The following ARHGEF4 variants were observed in gnomAD, a reference collection of about 807,000 sequenced individuals.
ARHGEF4 encodes Rho guanine nucleotide exchange factor 4, also known as APC-stimulated guanine nucleotide exchange factor 1.
Under a neutral mutation model 162.0 loss-of-function variants are expected in ARHGEF4, and 119 were observed. The ratio of observed to expected loss-of-function variants is 0.73; its 90% CI spans 0.63 to 0.86. The LOEUF is 0.86. ARHGEF4 is among the 40% of genes least tolerant of loss of function. The pLI is 0.00. For missense variants in ARHGEF4, 2,488 were observed against 2,456.0 expected, an observed-to-expected ratio of 1.01 and a Z score of -0.28; for synonymous variants, 1,014 against 979.9, an observed-to-expected ratio of 1.03 and a Z score of -0.65.
At chr2:130,972,717 GT>G (rs144405154) in intron 4 of ARHGEF4, among the ~76,000 whole-genome samples, 6,363 of 152,286 alleles carry the variant, frequency 0.042, 147 homozygotes, top group Middle Eastern at 0.071. Flanking sequence ...ACTTAAAGTG[GT>G]TGTGGTTAAT....
intron 1 of ARHGEF4, among the ~76,000 whole-genome samples, chr2:130,846,456 C>G (rs1305569221): frequency 1.3e-5 from 2 of 152,232 alleles, no homozygotes; most frequent in African/African-American, 2.4e-5. Context: ...CCAGTCCTCC[C>G]TCTCAGCACC....
In ARHGEF4 at chr2:130,914,324, T is replaced by C. The variant is rs1481423211; in HGVS notation, c.378T>C (p.His126=). The part of the protein sequence containing the change: ...EQHLTSVPGL[H]AKEELDLSPS... ...ATTTGACCAGTGTTCCTGGGCTTCA[T>C]GCAAAGGAAGAACTCGATTTGTCCC... The change falls in exon 2 of 14, where the codon CAT becomes CAC. Residue 126 remains histidine, a synonymous_variant. Transcript: ENST00000409359. 6.8e-7 allele frequency: 1 copy of C among 1,479,908 alleles called. No individual in the cohort carries two copies. The highest frequency in any genetic ancestry group is 2.5e-5 in the East Asian group (1 of 40,324). 91.7% of individuals were successfully genotyped at this position (1,479,908 alleles called of 1,614,324 possible). A position where few individuals can be genotyped will look rare whatever the true frequency, so the allele number is the denominator to read the frequency against.
At chr2:131,032,848 CTTTTTT>C (rs111971610) in intron 5 of ARHGEF4, among the ~76,000 whole-genome samples, 23 of 128,628 alleles carry the variant, frequency 1.8e-4, no homozygotes, top group African/African-American at 6.4e-4. Flanking sequence ...TTTCTTTTTT[CTTTTTT>C]TTTTTTTTTT....
chr2:131,012,684 G>A (rs1688534114), intron 4 of ARHGEF4, among the ~76,000 whole-genome samples: 1 of 152,134 alleles, frequency 6.6e-6, no homozygotes, highest in African/African-American at 2.4e-5. Flanking sequence ...GGGTCCCAGT[G>A]ATTCTCATGC....
At chr2:130,843,232 C>T (rs1327664915) in intron 1 of ARHGEF4, among the ~76,000 whole-genome samples, 1 of 152,194 alleles carries the variant, frequency 6.6e-6, no homozygotes, top group Admixed American at 6.5e-5. Flanking sequence ...CTCACTTGGC[C>T]CCTCCACATT....
At chr2:131,043,618 G>A (rs1690992606) in intron 11 of ARHGEF4, 35 bp downstream of exon 11, 1 of 1,612,878 alleles carries the variant, frequency 6.2e-7, no homozygotes, top group Non-Finnish European at 8.5e-7. Context: ...GCCCCAAGTT[G>A]AGCAAGTGGA....
At position 130,917,517 on chromosome 2, in the gene ARHGEF4, C is replaced by T. The variant is rs571216037; in HGVS notation, c.3552+19C>T. The T allele has an allele frequency of 6.7e-5, 103 of 1,536,140 alleles. No individual in the cohort carries two copies. The African/African-American group carries it at 1.3e-3, about 20-fold the overall frequency. ...GAGTGAGGTGAGTATCTGAATCGCA[C>T]CAAGCCTTTCCTGACCTCTGCAGGC... On this transcript the variant is annotated intron_variant, in intron 2 of 13. Transcript: ENST00000409359.
chr2:130,964,804 C>G (rs1195042471), intron 4 of ARHGEF4, among the ~76,000 whole-genome samples: 4 of 152,200 alleles, frequency 2.6e-5, no homozygotes, highest in Non-Finnish European at 5.9e-5. Flanking sequence ...CTTTACCGAC[C>G]TGGCATTGCT....
chr2:131,029,914 G>A (rs1689728752), intron 5 of ARHGEF4, among the ~76,000 whole-genome samples: 2 of 152,226 alleles, frequency 1.3e-5, no homozygotes, highest in Non-Finnish European at 2.9e-5. Flanking sequence ...GGTCCAGCAG[G>A]GGGACCCCGA....
chr2:131,037,425 AGG>A (rs1690381867), intron 5 of ARHGEF4, among the ~76,000 whole-genome samples: 1 of 152,160 alleles, frequency 6.6e-6, no homozygotes, highest in Admixed American at 6.5e-5. Flanking sequence ...TTCCATGTTG[AGG>A]TGAGGATTCA....
At chr2:131,035,383 T>A in intron 5 of ARHGEF4, 1 of 883,768 alleles carries the variant, frequency 1.1e-6, no homozygotes, top group Non-Finnish European at 1.4e-6. Context: ...ATGTGCTCAC[T>A]ACCAGGGCCT....
At chr2:130,990,867 C>G (rs539368904) in intron 4 of ARHGEF4, among the ~76,000 whole-genome samples, 1 of 151,890 alleles carries the variant, frequency 6.6e-6, no homozygotes, top group Admixed American at 6.6e-5. Flanking sequence ...AAAATTCTCC[C>G]CTTGAGAATT....
chr2:131,010,872 A>G (rs954546692), intron 4 of ARHGEF4, among the ~76,000 whole-genome samples: 2 of 152,258 alleles, frequency 1.3e-5, no homozygotes, highest in Non-Finnish European at 2.9e-5. Context: ...TTAGCGTTGC[A>G]GAGGCATTTC....
Position 130,931,360 on chromosome 2 carries a change from TAACTTGTC to T in ARHGEF4, c.3858+105_3858+112del. 4 of 1,288,064 alleles carry T rather than the reference TAACTTGTC, an allele frequency of 3.1e-6. No individual in the cohort carries two copies. The South Asian group carries it at 6.2e-5, about 20-fold the overall frequency. The allele number at this position is 1,288,064 out of a possible 1,614,324, so 79.8% of individuals were successfully genotyped here. A position where few individuals can be genotyped will look rare whatever the true frequency, so the allele number is the denominator to read the frequency against. The stretch of plus-strand genomic sequence containing the variant: ...GCTTTTGCCTGACTCTCCTGAGATG[TAACTTGTC>T]ACCCTGGGCCCCCTTGGATTACAGC... On this transcript the variant is annotated intron_variant, in intron 3 of 13. Transcript: ENST00000409359.
rs919926264 is a variant in ARHGEF4 at position 130,878,892 on chromosome 2, G to A, written c.40-35094G>A. Among the ~76,000 whole-genome samples, 4 of 152,364 alleles carry A rather than the reference G, an allele frequency of 2.6e-5. 1 individual carries two copies. In the South Asian group the frequency reaches 8.3e-4, roughly 32 times the overall value. On this transcript the variant is annotated intron_variant, in intron 1 of 13. Transcript: ENST00000409359. ...ACACATTACTCTGGCAGTACAAAGA[G>A]GTGCCTGGCCATTTTTTGGGCATCA... is the stretch of plus-strand genomic sequence containing the variant.
intron 4 of ARHGEF4, among the ~76,000 whole-genome samples, chr2:130,985,133 A>T (rs1400723893): frequency 1.3e-5 from 2 of 152,114 alleles, no homozygotes; most frequent in Non-Finnish European, 2.9e-5. Context: ...ACCTCTTTGG[A>T]TGTAGAGGTG....
chr2:130,946,680 G>T lies in ARHGEF4; in HGVS notation c.3985+45G>T, dbSNP rs770987342. ...CTTTTGCTATGTACTCTGGATCCTG[G>T]CATGAAGGACAAGAAGCTAGTGCTG... On this transcript the variant is annotated intron_variant, in intron 4 of 13. Coordinates refer to ENST00000409359, the MANE Select transcript of ARHGEF4 (RefSeq NM_001367493.1). 3.0e-5 allele frequency: 49 copies of T among 1,609,938 alleles called. 1 individual carries two copies. In the Admixed American group the frequency reaches 8.2e-4, roughly 27 times the overall value.
intron 1 of ARHGEF4, among the ~76,000 whole-genome samples, chr2:130,850,364 C>G (rs114589886): frequency 1.4e-4 from 22 of 152,322 alleles, no homozygotes; most frequent in African/African-American, 5.3e-4. Flanking sequence ...CTGATGATAC[C>G]CGTGTCCCAA....
chr2:130,900,530 A>G (rs1226252601), intron 1 of ARHGEF4, among the ~76,000 whole-genome samples: 2 of 152,110 alleles, frequency 1.3e-5, no homozygotes, highest in African/African-American at 2.4e-5. Flanking sequence ...TTTCAGTTCT[A>G]TGATTTGTAT....
Sources: allele counts gnomAD v4.1 joint callset (sites outside exome capture counted in the v4.1 genomes callset), GRCh38; gene constraint gnomAD v4.1.1; transcripts MANE v1.5; gene names NCBI Gene and HGNC (gene_info 2026-07-23, HGNC 2026-07-21).